Variants in RIMS1 observed in about 807,000 individuals in gnomAD.
RIMS1 encodes the protein regulating synaptic membrane exocytosis 1.
RIMS1 carries 83 observed loss-of-function variants against 214.1 expected under a neutral mutation model. That is an observed-to-expected ratio of 0.39 (90% CI 0.32 to 0.47). The LOEUF (loss-of-function observed/expected upper bound fraction) is 0.47. Ranked by LOEUF, RIMS1 falls within the 20% of genes least tolerant of loss-of-function variation. RIMS1 has a pLI of 0.99. For synonymous variants in RIMS1, 793 were observed against 786.8 expected, an observed-to-expected ratio of 1.01 and a Z score of -0.13; for missense variants, 2,050 against 2,161.8, an observed-to-expected ratio of 0.95 and a Z score of 1.03.
chr6:72,086,706 T>G (rs1479011913), intron 2 of RIMS1, among the ~76,000 whole-genome samples: 2 of 152,138 alleles, frequency 1.3e-5, no homozygotes, highest in Non-Finnish European at 2.9e-5. Flanking sequence ...TTAATTTGAT[T>G]GTAGTGTAAG....
chr6:72,360,933 G>GTT (rs771244884), intron 29 of RIMS1, among the ~76,000 whole-genome samples: 1 of 141,242 alleles, frequency 7.1e-6, no homozygotes, highest in Non-Finnish European at 1.5e-5. Flanking sequence ...TAAGTGGTAG[G>GTT]TTTTTTTTTT....
rs12055583 is a variant in RIMS1, at chr6:72,065,641, C to T, written c.246-31308C>T. Among the ~76,000 whole-genome samples the T allele has an allele frequency of 2.6e-4, 39 of 152,088 alleles. No homozygotes were observed. The East Asian group carries it at 7.2e-3, about 28-fold the overall frequency. ...TCTTACTCCATGCCATGTACTTTAT[C>T]AAAGGTTTTGCCTTTATTTATCTCA... On this transcript the variant is annotated intron_variant, in intron 2 of 33. Transcript: ENST00000521978.
At chr6:72,103,646 T>C (rs940862456) in intron 4 of RIMS1, among the ~76,000 whole-genome samples, 5 of 152,102 alleles carry the variant, frequency 3.3e-5, no homozygotes, top group African/African-American at 1.2e-4. Flanking sequence ...TTTGTGAACA[T>C]ACGTTGTCAA....
At chr6:72,359,079 A>C (rs1222560171) in intron 29 of RIMS1, among the ~76,000 whole-genome samples, 1 of 152,208 alleles carries the variant, frequency 6.6e-6, no homozygotes, top group East Asian at 1.9e-4. Context: ...TGAGCAAGTA[A>C]ATGCAAACCT....
At chr6:72,287,586 G>A (rs2092574471) in intron 24 of RIMS1, among the ~76,000 whole-genome samples, 1 of 151,466 alleles carries the variant, frequency 6.6e-6, no homozygotes, top group African/African-American at 2.4e-5. Flanking sequence ...TTAAACTTTT[G>A]CTCTGCAAAC....
At chr6:72,330,464 C>A (rs1453121129) in intron 28 of RIMS1, among the ~76,000 whole-genome samples, 1 of 151,632 alleles carries the variant, frequency 6.6e-6, no homozygotes, top group Non-Finnish European at 1.5e-5. Context: ...CTTTTTTTCA[C>A]TTCCTACTCA....
intron 27 of RIMS1, 105 bp from the exon 28 acceptor site, chr6:72,313,401 G>C (rs776295615): frequency 2.2e-6 from 2 of 895,874 alleles, no homozygotes; most frequent in Non-Finnish European, 3.5e-6. Context: ...CTCTTATGAA[G>C]GTACACCTTT....
chr6:71,986,545 A>T (rs1800020736), intron 2 of RIMS1, among the ~76,000 whole-genome samples: 1 of 152,234 alleles, frequency 6.6e-6, no homozygotes, highest in African/African-American at 2.4e-5. Context: ...AAACAACTAG[A>T]CATCATGACT....
At chr6:72,109,499 C>G (rs1188827690) in intron 4 of RIMS1, among the ~76,000 whole-genome samples, 1 of 152,070 alleles carries the variant, frequency 6.6e-6, no homozygotes, top group Non-Finnish European at 1.5e-5. Flanking sequence ...TAAATGTCTT[C>G]TTTTGAGAAG....
intron 2 of RIMS1, among the ~76,000 whole-genome samples, chr6:72,004,863 T>C (rs1355434516): frequency 6.6e-6 from 1 of 152,022 alleles, no homozygotes. Context: ...GTGCAGAAGC[T>C]CTTTAGTTTA....
chr6:72,006,134 T>C (rs1807499998), intron 2 of RIMS1, among the ~76,000 whole-genome samples: 1 of 152,158 alleles, frequency 6.6e-6, no homozygotes, highest in Non-Finnish European at 1.5e-5. Flanking sequence ...CTCATGTCCA[T>C]TCTTATCACA....
At chr6:72,264,635 A>C (rs892347391) in intron 19 of RIMS1, among the ~76,000 whole-genome samples, 6 of 152,168 alleles carry the variant, frequency 3.9e-5, no homozygotes, top group Non-Finnish European at 8.8e-5. Context: ...TTTAGCTATG[A>C]GTTTACTTTC....
chr6:72,335,632 C>G (rs1184894369), intron 29 of RIMS1, among the ~76,000 whole-genome samples: 1 of 151,924 alleles, frequency 6.6e-6, no homozygotes, highest in Admixed American at 6.6e-5. Context: ...GTTCTAGATG[C>G]TTGAGGAATC....
At chr6:72,003,128 CACTT>C (rs1198360807) in intron 2 of RIMS1, among the ~76,000 whole-genome samples, 10 of 152,130 alleles carry the variant, frequency 6.6e-5, no homozygotes, top group Non-Finnish European at 1.3e-4. Context: ...CTCAAAATAA[CACTT>C]AGGGTGATTA....
At chr6:71,917,338 C>G (rs534351882) in intron 1 of RIMS1, among the ~76,000 whole-genome samples, 1 of 152,156 alleles carries the variant, frequency 6.6e-6, no homozygotes, top group South Asian at 2.1e-4. Context: ...GGAAAGCCTT[C>G]CCTGAGAACA....
intron 1 of RIMS1, among the ~76,000 whole-genome samples, chr6:71,890,657 G>A (rs556263784): frequency 4.7e-5 from 7 of 150,396 alleles, no homozygotes; most frequent in South Asian, 4.2e-4. Flanking sequence ...GAGAGTTAAG[G>A]CGATGGTTTG....
chr6:72,203,747 T>C (rs2052442836), intron 6 of RIMS1, among the ~76,000 whole-genome samples: 1 of 152,208 alleles, frequency 6.6e-6, no homozygotes. Flanking sequence ...GTTGAATAAG[T>C]TCAGTGCACG....
At chr6:71,988,457 G>A (rs867524099) in intron 2 of RIMS1, among the ~76,000 whole-genome samples, 30 of 151,980 alleles carry the variant, frequency 2.0e-4, no homozygotes, top group African/African-American at 5.6e-4. Flanking sequence ...AAAAAAACTT[G>A]TGTGTTCTCA....
chr6:72,027,706 T>C (rs1816938816), intron 2 of RIMS1, among the ~76,000 whole-genome samples: 2 of 152,120 alleles, frequency 1.3e-5, no homozygotes, highest in South Asian at 4.2e-4. Context: ...CATAAAGTTA[T>C]CACCTGAGAC....
Sources: gnomAD v4.1 joint callset for allele counts (sites outside exome capture counted in the v4.1 genomes callset) on GRCh38, gnomAD v4.1.1 for gene constraint, MANE v1.5 for transcripts, NCBI Gene and HGNC (gene_info 2026-07-23, HGNC 2026-07-21) for gene names.